The following NSD1 variants were observed in gnomAD, a reference collection of about 807,000 sequenced individuals.
NSD1 encodes the protein histone-lysine N-methyltransferase, H3 lysine-36 specific.
A neutral mutation model predicts 242.7 loss-of-function variants in NSD1; 26 were observed. The observed-to-expected ratio is 0.11, with a 90% CI of 0.08 to 0.15. NSD1 has a LOEUF of 0.15. Among genes scored for constraint, NSD1 ranks in the 10% least tolerant of loss-of-function variants. The pLI, the probability that NSD1 is intolerant of heterozygous loss-of-function variation, is 1.00. For missense variants in NSD1, 2,495 were observed against 3,272.8 expected (o/e 0.76, Z 5.80); for synonymous variants, 1,106 against 1,178.1 (o/e 0.94, Z 1.25).
At chr5:177,135,025 T>C in intron 1 of NSD1, 62 bp from the exon 2 acceptor site, 1 of 1,457,320 alleles carries the variant, frequency 6.9e-7, no homozygotes, top group Non-Finnish European at 9.6e-7. Flanking sequence ...TGGCTGCCAT[T>C]TTAAAGAGTC....
rs915736299 is a variant in NSD1, at chr5:177,297,488, T to G, written c.*2029T>G. ...CTAGTAGGTCCCTTTCCCTAATCTT[T>G]TAGGTCATATGAGTAGGGTTTGCTT... On this transcript the variant is annotated 3_prime_UTR_variant, in exon 23 of 23. Coordinates refer to ENST00000439151, the MANE Select transcript of NSD1 (RefSeq NM_022455.5). 7 of 229,850 alleles carry G rather than the reference T, an allele frequency of 3.0e-5. No individual in the cohort carries two copies. Among genetic ancestry groups the G allele is most frequent in the Admixed American group, 5.7e-5 (1 of 17,654 alleles). The allele number at this position is 229,850 out of a possible 1,614,324, so 14.2% of individuals were successfully genotyped here.
intron 8 of NSD1, among the ~76,000 whole-genome samples, chr5:177,243,076 T>G (rs766700340): frequency 2.0e-5 from 3 of 152,250 alleles, no homozygotes; most frequent in Non-Finnish European, 4.4e-5. Flanking sequence ...TAAGTTGGAA[T>G]GTCATTCAGT....
intron 2 of NSD1, among the ~76,000 whole-genome samples, chr5:177,151,998 C>T (rs1158254930): frequency 6.6e-6 from 1 of 151,740 alleles, no homozygotes; most frequent in African/African-American, 2.4e-5. Flanking sequence ...GTAACTGGGA[C>T]CACAGGTGCC....
At chr5:177,206,463 T>A (rs895665346) in intron 4 of NSD1, among the ~76,000 whole-genome samples, 1 of 152,182 alleles carries the variant, frequency 6.6e-6, no homozygotes, top group African/African-American at 2.4e-5. Context: ...TTTTTAAAAA[T>A]CATAATTAGG....
intron 14 of NSD1, chr5:177,266,242 C>T: frequency 1.3e-6 from 1 of 797,570 alleles, no homozygotes; most frequent in Admixed American, 1.8e-5. Flanking sequence ...CCACCGGGAG[C>T]TCTATCTCCT....
chr5:177,282,394 T>A (rs907883660), intron 18 of NSD1, 71 bp from the exon 19 acceptor site: 24 of 953,488 alleles, frequency 2.5e-5, no homozygotes, highest in African/African-American at 1.4e-4. Context: ...ATTAATTTTT[T>A]AAAAAAATGT....
At position 177,299,417 on chromosome 5, in the gene NSD1, C is replaced by T; in HGVS notation, c.*3958C>T. ...AGATCCTATATCCAGGTGAAGGTGG[C>T]CATTGAGTTTCTCAGGGCTGGGGCC... is the stretch of plus-strand genomic sequence containing the variant. On this transcript the variant is annotated 3_prime_UTR_variant, in exon 23 of 23. Transcript: ENST00000439151. 4.3e-6 allele frequency: 1 copy of T among 233,194 alleles called. No individual in the cohort carries two copies. The highest frequency in any genetic ancestry group is 6.0e-5 in the East Asian group (1 of 16,588). The allele number at this position is 233,194 out of a possible 1,614,324, so 14.4% of individuals were successfully genotyped here.
intron 2 of NSD1, among the ~76,000 whole-genome samples, chr5:177,187,549 C>T (rs571951472): frequency 4.9e-4 from 74 of 152,256 alleles, no homozygotes; most frequent in African/African-American, 1.7e-3. Flanking sequence ...AACTAGCTGG[C>T]TTAAACAGCA....
At chr5:177,220,918 G>A (rs1764183884) in intron 5 of NSD1, 1 of 423,720 alleles carries the variant, frequency 2.4e-6, no homozygotes, top group South Asian at 1.7e-5. Flanking sequence ...AGGCTGTAGT[G>A]CAGTGGGGCA....
At chr5:177,189,142 C>T (rs989032924) in intron 2 of NSD1, among the ~76,000 whole-genome samples, 1 of 152,118 alleles carries the variant, frequency 6.6e-6, no homozygotes, top group Non-Finnish European at 1.5e-5. Flanking sequence ...ATTTTTGGGG[C>T]TTAAAATACT....
intron 21 of NSD1, among the ~76,000 whole-genome samples, chr5:177,291,169 G>T (rs1759786335): frequency 6.6e-6 from 1 of 152,206 alleles, no homozygotes; most frequent in South Asian, 2.1e-4. Context: ...GGTCTGCCTT[G>T]GGAGTGGTGG....
intron 5 of NSD1, among the ~76,000 whole-genome samples, chr5:177,232,342 T>C (rs1435534770): frequency 1.3e-5 from 2 of 152,224 alleles, no homozygotes; most frequent in Admixed American, 6.5e-5. Flanking sequence ...TTCTACAAAA[T>C]CCATAGAGAT....
At chr5:177,258,517 T>C (rs569907789) in intron 13 of NSD1, among the ~76,000 whole-genome samples, 9 of 150,856 alleles carry the variant, frequency 6.0e-5, no homozygotes, top group South Asian at 2.1e-4. Flanking sequence ...CAAGTTGTTT[T>C]TGTTGTTGTT....
At chr5:177,268,040 C>T (rs549949287) in intron 15 of NSD1, among the ~76,000 whole-genome samples, 10 of 150,052 alleles carry the variant, frequency 6.7e-5, no homozygotes, top group East Asian at 2.0e-4. Context: ...TACTCCCAGA[C>T]GTACCAATAC....
intron 11 of NSD1, 98 bp downstream of exon 11, chr5:177,248,422 A>T (rs12055154): frequency 7.1e-7 from 1 of 1,406,678 alleles, no homozygotes. Flanking sequence ...TAGAATAACA[A>T]TGCTTTTGGA....
At chr5:177,133,119 G>C (rs1437917279), upstream of NSD1, 2 of 152,690 alleles carry the variant, frequency 1.3e-5, no homozygotes, top group Non-Finnish European at 2.9e-5. This position sits in a 1 kb window ranked among gnomAD's most constrained non-coding sequence, Gnocchi z 6.2. Context: ...TCTGCTCGGG[G>C]CCTGAGGCCT....
At chr5:177,146,111 T>C (rs926945965) in intron 2 of NSD1, among the ~76,000 whole-genome samples, 16 of 151,580 alleles carry the variant, frequency 1.1e-4, no homozygotes, top group African/African-American at 3.9e-4. Flanking sequence ...AGAGGTCCCT[T>C]GTATATTTTG....
At chr5:177,187,564 TTCTC>T (rs1373041760) in intron 2 of NSD1, among the ~76,000 whole-genome samples, 6 of 152,134 alleles carry the variant, frequency 3.9e-5, no homozygotes, top group Admixed American at 2.6e-4. Context: ...ACAGCAGAAA[TTCTC>T]TCTCAGTTCG....
chr5:177,182,668 G>A (rs1304204994), intron 2 of NSD1, among the ~76,000 whole-genome samples: 3 of 150,424 alleles, frequency 2.0e-5, no homozygotes, highest in South Asian at 2.1e-4. Context: ...ATGGGATCTC[G>A]CTCTGTCACC....
Sources: gnomAD v4.1 joint callset for allele counts (sites outside exome capture counted in the v4.1 genomes callset) on GRCh38, gnomAD v4.1.1 for gene constraint, Gnocchi (gnomAD v3.1) non-coding constraint, MANE v1.5 for transcripts, NCBI Gene and HGNC (gene_info 2026-07-23, HGNC 2026-07-21) for gene names.